The following PRICKLE2 variants were observed in gnomAD, a reference collection of about 807,000 sequenced individuals.
PRICKLE2 encodes prickle-like protein 2.
PRICKLE2 carries 21 observed loss-of-function variants against 81.4 expected under a neutral mutation model. That is an observed-to-expected ratio of 0.26 (90% CI 0.18 to 0.37). The LOEUF (loss-of-function observed/expected upper bound fraction) is 0.37, where lower values mean the gene tolerates loss of function less well. Among genes scored for constraint, PRICKLE2 ranks in the 10% least tolerant of loss-of-function variants. PRICKLE2 has a pLI of 1.00. For synonymous variants in PRICKLE2, 456 were observed against 421.5 expected (o/e 1.08, Z -1.00); for missense variants, 940 against 1,109.0 (o/e 0.85, Z 2.16).
chr3:64,145,692 T>C (rs2077438575), intron 7 of PRICKLE2: 1 of 151,926 alleles, frequency 6.6e-6, no homozygotes. Context: ...GCCAGTTCCC[T>C]GGTGAGAAAC....
upstream of PRICKLE2, among the ~76,000 whole-genome samples, chr3:64,228,934 T>C (rs2079065545): frequency 1.3e-5 from 2 of 152,202 alleles, no homozygotes. Context: ...AGGAAAAGTA[T>C]GATCTGGGTC....
chr3:64,169,762 C>T (rs954208841), intron 2 of PRICKLE2, among the ~76,000 whole-genome samples: 5 of 152,180 alleles, frequency 3.3e-5, no homozygotes, highest in Admixed American at 1.3e-4. Flanking sequence ...CTTTATTTCA[C>T]GTGCCCCCTC....
At chr3:64,110,947 C>G (rs6789721) in intron 7 of PRICKLE2, among the ~76,000 whole-genome samples, 53,107 of 126,614 alleles carry the variant, frequency 0.42, 11,140 homozygotes, top group Middle Eastern at 0.57. Context: ...GGGAGACAGA[C>G]AGACTCCATC....
chr3:64,205,101 T>TA (rs3056514), intron 1 of PRICKLE2, among the ~76,000 whole-genome samples: 84,515 of 142,686 alleles, frequency 0.59, 25,750 homozygotes, highest in Non-Finnish European at 0.67. Context: ...AGGATTTCGT[T>TA]AAAAAAAAAA....
chr3:64,152,936 C>T (rs2077570321), intron 6 of PRICKLE2, among the ~76,000 whole-genome samples: 1 of 152,310 alleles, frequency 6.6e-6, no homozygotes, highest in South Asian at 2.1e-4. Flanking sequence ...ATGATGTTAA[C>T]AGAAGGCAAA....
chr3:64,173,594 A>G (rs1198987487), intron 2 of PRICKLE2, among the ~76,000 whole-genome samples: 2 of 152,336 alleles, frequency 1.3e-5, no homozygotes, highest in African/African-American at 4.8e-5. Context: ...CGGCTCTAGC[A>G]TTCTGTCAGA....
chr3:64,167,735 AAAG>A (rs1420952488), intron 2 of PRICKLE2, among the ~76,000 whole-genome samples: 1 of 152,036 alleles, frequency 6.6e-6, no homozygotes, highest in Non-Finnish European at 1.5e-5. Context: ...TTTTTTTTAT[AAAG>A]AAGTGTGCAA....
intron 1 of PRICKLE2, among the ~76,000 whole-genome samples, chr3:64,216,191 G>A: frequency 6.6e-6 from 1 of 152,168 alleles, no homozygotes; most frequent in East Asian, 1.9e-4. Context: ...GATTTCTCTG[G>A]ATGAGTTTAC....
intron 6 of PRICKLE2, among the ~76,000 whole-genome samples, chr3:64,148,748 A>G (rs1299117723): frequency 1.3e-5 from 2 of 152,162 alleles, no homozygotes; most frequent in Admixed American, 1.3e-4. Context: ...CTTCCACTAT[A>G]TGATGACTCT....
intron 7 of PRICKLE2, 153 bp from the exon 8 acceptor site, chr3:64,100,078 G>A: frequency 1.3e-6 from 1 of 759,464 alleles, no homozygotes. Context: ...GTGCCTGTGA[G>A]GGGGTTCTCT....
chr3:64,264,074 G>A (rs549452798), intron 2 of PRICKLE2, among the ~76,000 whole-genome samples: 14 of 145,816 alleles, frequency 9.6e-5, no homozygotes, highest in Non-Finnish European at 1.2e-4. Context: ...TCCACAACCC[G>A]CCAACAATCC....
intron 1 of PRICKLE2, among the ~76,000 whole-genome samples, chr3:64,223,823 C>T (rs1217467855): frequency 6.6e-6 from 1 of 152,186 alleles, no homozygotes. Flanking sequence ...TTCTGAGGAG[C>T]AGGATTACAG....
intron 7 of PRICKLE2, chr3:64,103,555 A>G (rs985308754): frequency 6.6e-6 from 1 of 152,200 alleles, no homozygotes; most frequent in African/African-American, 2.4e-5. Context: ...GGGCACTGCA[A>G]TTGTTCTATA....
rs532637925 is a variant in PRICKLE2 at position 64,198,314 on chromosome 3, G to C, written c.144+470C>G. Among the ~76,000 whole-genome samples the C allele has an allele frequency of 9.9e-5, 15 of 152,212 alleles. No homozygotes were observed. In the South Asian group the frequency reaches 1.2e-3, roughly 13 times the overall value. On this transcript the variant is annotated intron_variant, in intron 2 of 7. Coordinates refer to ENST00000638394, the MANE Select transcript of PRICKLE2 (RefSeq NM_198859.4). ...TTAAAACGTTTTTGTTGGACATAGA[G>C]AAGATGTCCTGAGAAAGAAATTTTA...
At chr3:64,212,558 G>A (rs2078806122) in intron 1 of PRICKLE2, among the ~76,000 whole-genome samples, 1 of 152,148 alleles carries the variant, frequency 6.6e-6, no homozygotes, top group South Asian at 2.1e-4. Flanking sequence ...CTTTGTGGAC[G>A]AGGTTGGCTA....
At chr3:64,122,800 T>C (rs1220746457) in intron 7 of PRICKLE2, among the ~76,000 whole-genome samples, 1 of 152,078 alleles carries the variant, frequency 6.6e-6, no homozygotes, top group Non-Finnish European at 1.5e-5. Context: ...CTAAATGTGG[T>C]CCCTGTGCCA....
At chr3:64,203,966 A>C (rs2078636059) in intron 1 of PRICKLE2, among the ~76,000 whole-genome samples, 1 of 152,050 alleles carries the variant, frequency 6.6e-6, no homozygotes, top group Non-Finnish European at 1.5e-5. Context: ...TGACAGAGCG[A>C]GATGCTGTCT....
intron 1 of PRICKLE2, among the ~76,000 whole-genome samples, chr3:64,207,200 C>A (rs2078702538): frequency 6.6e-6 from 1 of 152,192 alleles, no homozygotes; most frequent in African/African-American, 2.4e-5. Flanking sequence ...GTGCCCAGCT[C>A]TCTTTTCATT....
In PRICKLE2 at chr3:64,225,157, G is replaced by C. The variant is rs1324712251; in HGVS notation, c.-288C>G. On this transcript the variant is annotated 5_prime_UTR_variant, in exon 1 of 8. Transcript: ENST00000638394. Reference sequence around the variant, plus strand: ...AACAGCACTGCTGGATCCAGACTCTGCTGGGGAATTCACCAAGCAAGAGAA... The same window carrying C: ...AACAGCACTGCTGGATCCAGACTCTCCTGGGGAATTCACCAAGCAAGAGAA... 3 of 985,270 alleles carry C rather than the reference G, an allele frequency of 3.0e-6. No individual in the cohort carries two copies. Among genetic ancestry groups the C allele is most frequent in the Admixed American group, 1.2e-4 (2 of 16,262 alleles). 61.0% of individuals were successfully genotyped at this position (985,270 alleles called of 1,614,324 possible).
Sources: gnomAD v4.1 joint callset for allele counts (sites outside exome capture counted in the v4.1 genomes callset) on GRCh38, gnomAD v4.1.1 for gene constraint, MANE v1.5 for transcripts, NCBI Gene and HGNC (gene_info 2026-07-23, HGNC 2026-07-21) for gene names.